The following PSMD9 variants were observed in gnomAD, a reference collection of about 807,000 sequenced individuals.
The protein encoded by PSMD9 is 26S proteasome non-ATPase regulatory subunit 9.
PSMD9 carries 26 observed loss-of-function variants against 25.9 expected under a neutral mutation model. The ratio of observed to expected loss-of-function variants is 1.00; its 90% CI spans 0.73 to 1.39. The LOEUF is 1.39. Ranked by LOEUF, PSMD9 falls within the 40% of genes most tolerant of loss-of-function variation. The pLI is 0.00. For synonymous variants in PSMD9, 110 were observed against 114.5 expected (o/e 0.96, Z 0.25); for missense variants, 303 against 299.3 (o/e 1.01, Z -0.09).
At chr12:121,891,571 G>A (rs565147411) in intron 1 of PSMD9, among the ~76,000 whole-genome samples, 2 of 150,344 alleles carry the variant, frequency 1.3e-5, no homozygotes, top group East Asian at 3.9e-4. Flanking sequence ...CTGCACTTCA[G>A]CCTGGGTGAC....
intron 1 of PSMD9, among the ~76,000 whole-genome samples, chr12:121,893,069 A>T (rs1879133286): frequency 1.3e-5 from 2 of 152,156 alleles, no homozygotes; most frequent in Admixed American, 1.3e-4. Flanking sequence ...TGGGAGAGGA[A>T]TATGTATTTT....
At chr12:121,909,467 C>A (rs1879654343) in intron 4 of PSMD9, among the ~76,000 whole-genome samples, 1 of 151,962 alleles carries the variant, frequency 6.6e-6, no homozygotes, top group Non-Finnish European at 1.5e-5. Flanking sequence ...GTGTGCACCA[C>A]CACACCTGGC....
At chr12:121,915,773 C>G in intron 4 of PSMD9, 83 bp from the exon 5 acceptor site, 2 of 1,193,268 alleles carry the variant, frequency 1.7e-6, no homozygotes, top group Non-Finnish European at 2.4e-6. Context: ...ATTTGATAGG[C>G]AAAAAATGGG....
At chr12:121,915,593 G>A in intron 4 of PSMD9, 1 of 430,264 alleles carries the variant, frequency 2.3e-6, no homozygotes, top group Non-Finnish European at 4.1e-6. Flanking sequence ...TCTTGCAATT[G>A]TGTACTATGT....
intron 1 of PSMD9, among the ~76,000 whole-genome samples, chr12:121,893,554 C>G (rs1879148055): frequency 6.6e-6 from 1 of 152,180 alleles, no homozygotes; most frequent in African/African-American, 2.4e-5. Context: ...AAGGTGTCAG[C>G]AGGGTTGGCT....
chr12:121,915,742 T>G, intron 4 of PSMD9, 114 bp from the exon 5 acceptor site: 4 of 942,498 alleles, frequency 4.2e-6, no homozygotes, highest in Non-Finnish European at 6.5e-6. Context: ...AGGATTATGC[T>G]GCAAATGTAA....
intron 4 of PSMD9, chr12:121,911,024 G>A (rs1334216149): frequency 2.2e-6 from 1 of 451,336 alleles, no homozygotes; most frequent in South Asian, 1.6e-5. Flanking sequence ...CTTACATACT[G>A]TGTAGTTTTT....
chr12:121,906,355 G>T (rs1879553717), intron 4 of PSMD9, among the ~76,000 whole-genome samples: 1 of 151,826 alleles, frequency 6.6e-6, no homozygotes, highest in Non-Finnish European at 1.5e-5. Context: ...TCCGGGTTTG[G>T]TTGTCTGTTT....
chr12:121,900,940 G>A (rs972716802), intron 3 of PSMD9, among the ~76,000 whole-genome samples: 5 of 148,408 alleles, frequency 3.4e-5, no homozygotes, highest in Admixed American at 6.8e-5. Flanking sequence ...AGCGGAGATC[G>A]TGCCACTACA....
At position 121,894,840 on chromosome 12, in the gene PSMD9, A is replaced by T. The variant is rs768613009; in HGVS notation, c.240A>T (p.Ile80=). 15 of 1,612,332 alleles carry T rather than the reference A, an allele frequency of 9.3e-6. No individual in the cohort carries two copies. The highest frequency in any genetic ancestry group is 1.7e-6 in the Non-Finnish European group (2 of 1,179,164). ...YQVRTARHNI[I]CLQNDHKAVM... is the part of the protein sequence containing the mutation. ...TCCGCACCGCCAGGCACAACATCAT[A>T]TGTGAGTGGCCCTCTTAGAAGACTT... is the stretch of plus-strand genomic sequence containing the variant. Residue 80 remains isoleucine (I), a splice_region_variant and synonymous_variant, in exon 2 of 6, where the codon ATA becomes ATT. Transcript: ENST00000541212.
intron 3 of PSMD9, chr12:121,902,665 C>T (rs1401391078): frequency 4.4e-6 from 1 of 228,708 alleles, no homozygotes; most frequent in Non-Finnish European, 8.9e-6. Flanking sequence ...CTTGCCTTCT[C>T]TTACCCTTGA....
At chr12:121,914,420 C>G (rs904272282) in intron 4 of PSMD9, 2 of 151,976 alleles carry the variant, frequency 1.3e-5, no homozygotes, top group African/African-American at 4.8e-5. Context: ...CATGGTGGCA[C>G]GTGCCTGTAA....
At position 121,916,461 on chromosome 12, in the gene PSMD9, C is replaced by A; in HGVS notation, c.*150C>A. On this transcript the variant is annotated 3_prime_UTR_variant, in exon 6 of 6. Transcript: ENST00000541212. ...TGTGTGGTGGCAGTACTGTGGCCCA[C>A]CAGTGTAATCTCCCTGGATTAAGGC... 1.1e-6 allele frequency: 1 copy of A among 930,130 alleles called. No homozygotes were observed. The highest frequency in any genetic ancestry group is 1.7e-6 in the Non-Finnish European group (1 of 585,994). 57.6% of individuals were successfully genotyped at this position (930,130 alleles called of 1,614,324 possible).
intron 1 of PSMD9, 98 bp downstream of exon 1, chr12:121,889,092 C>T: frequency 6.9e-7 from 1 of 1,459,590 alleles, no homozygotes; most frequent in South Asian, 1.3e-5. Context: ...CGCTCCGCAA[C>T]GGATCTCCCT....
chr12:121,890,124 T>C (rs1029802502), intron 1 of PSMD9, among the ~76,000 whole-genome samples: 1 of 152,088 alleles, frequency 6.6e-6, no homozygotes, highest in Non-Finnish European at 1.5e-5. Flanking sequence ...ACCATGTTGG[T>C]CAGGCCGGTG....
chr12:121,906,291 C>T (rs1879551706), intron 4 of PSMD9, among the ~76,000 whole-genome samples: 1 of 152,086 alleles, frequency 6.6e-6, no homozygotes, highest in African/African-American at 2.4e-5. Flanking sequence ...TAGGGCCTTT[C>T]TGGCTTCAGC....
At chr12:121,913,028 C>T (rs1287911570) in intron 4 of PSMD9, among the ~76,000 whole-genome samples, 2 of 151,310 alleles carry the variant, frequency 1.3e-5, no homozygotes, top group African/African-American at 2.4e-5. Context: ...ACTCCGCCTC[C>T]TGGGTTGACG....
intron 2 of PSMD9, chr12:121,898,500 T>C (rs1879295672): frequency 6.6e-6 from 1 of 151,686 alleles, no homozygotes; most frequent in African/African-American, 2.4e-5. Context: ...GGACTCCCTC[T>C]CCTGGACTGA....
intron 1 of PSMD9, among the ~76,000 whole-genome samples, chr12:121,891,880 T>C (rs1592939182): frequency 8.5e-6 from 1 of 117,224 alleles, no homozygotes; most frequent in African/African-American, 3.5e-5. Flanking sequence ...CACTCCAGCC[T>C]GGGTGACAGA....
Sources: gnomAD v4.1 joint callset for allele counts (sites outside exome capture counted in the v4.1 genomes callset) on GRCh38, gnomAD v4.1.1 for gene constraint, MANE v1.5 for transcripts, NCBI Gene and HGNC (gene_info 2026-07-23, HGNC 2026-07-21) for gene names.